Variants in PDIA5 observed in about 807,000 individuals in gnomAD.
PDIA5 encodes protein disulfide-isomerase A5.
Under a neutral mutation model 77.6 loss-of-function variants are expected in PDIA5, and 58 were observed. The ratio of observed to expected loss-of-function variants is 0.75; its 90% CI spans 0.61 to 0.93. The LOEUF is 0.93. PDIA5 is among the 40% of genes least tolerant of loss of function. PDIA5 has a pLI of 0.00. For missense variants in PDIA5, 630 were observed against 647.7 expected, an observed-to-expected ratio of 0.97 and a Z score of 0.30; for synonymous variants, 250 against 252.1, an observed-to-expected ratio of 0.99 and a Z score of 0.08.
At chr3:123,111,047 C>G in intron 7 of PDIA5, 43 bp downstream of exon 7, 1 of 1,416,778 alleles carries the variant, frequency 7.1e-7, no homozygotes, top group Non-Finnish European at 1.0e-6. Flanking sequence ...GTTGTTTAGT[C>G]TCTTTGTGGG....
intron 1 of PDIA5, among the ~76,000 whole-genome samples, chr3:123,079,604 G>A (rs1933944663): frequency 1.3e-5 from 2 of 152,136 alleles, no homozygotes; most frequent in African/African-American, 2.4e-5. Context: ...TTGTTTATAG[G>A]TTTTAACTCT....
chr3:123,111,367 C>T lies in PDIA5; in HGVS notation c.541+363C>T, dbSNP rs536006018. Among the ~76,000 whole-genome samples the T allele has an allele frequency of 1.3e-4, 20 of 152,310 alleles. No individual in the cohort carries two copies. The East Asian group carries it at 2.3e-3, about 18-fold the overall frequency. ...CTGTTCTGCCACCCCTCGGGCATGG[C>T]GTCATGGTCCAGAGCCTGGCCCGCC... On this transcript the variant is annotated intron_variant, in intron 7 of 16. Transcript: ENST00000316218.
chr3:123,151,859 TCCTTCCTTCCTGCCCG>T (rs1935911120), intron 14 of PDIA5, among the ~76,000 whole-genome samples: 1 of 120,912 alleles, frequency 8.3e-6, no homozygotes, highest in Admixed American at 8.1e-5. Flanking sequence ...CTTCCTGCCC[TCCTTCCTTCCTGCCCG>T]CCTTCCTGCC....
intron 15 of PDIA5, 49 bp from the exon 16 acceptor site, chr3:123,161,272 C>A: frequency 6.3e-7 from 1 of 1,592,798 alleles, no homozygotes; most frequent in East Asian, 2.2e-5. Context: ...GGGGTCCAGG[C>A]CTCAGCCTGG....
chr3:123,075,247 G>A lies in PDIA5; in HGVS notation c.42+8041G>A, dbSNP rs571243097. ...AGTTCAACTGCTGAGTGAGCAGGAC[G>A]TAAAGATGTGTTGCTTAGAAGAGAG... On this transcript the variant is annotated intron_variant, in intron 1 of 16. Transcript: ENST00000316218. 3.3e-5 allele frequency among the ~76,000 whole-genome samples: 5 copies of A among 152,328 alleles called. No individual in the cohort carries two copies. The East Asian group carries it at 9.6e-4, about 29-fold the overall frequency.
intron 7 of PDIA5, among the ~76,000 whole-genome samples, chr3:123,112,458 G>A (rs142646035): frequency 3.5e-3 from 534 of 150,892 alleles, no homozygotes; most frequent in African/African-American, 0.012. Flanking sequence ...ATGCCCCTCT[G>A]TGGCATTCTG....
intron 11 of PDIA5, among the ~76,000 whole-genome samples, chr3:123,134,445 T>C (rs900266240): frequency 2.0e-5 from 3 of 152,140 alleles, no homozygotes; most frequent in Non-Finnish European, 4.4e-5. Flanking sequence ...CTTGTGAGGC[T>C]GCCCTGCTGG....
rs780473654 is a variant in PDIA5 at position 123,161,354 on chromosome 3, A to C, written c.1378A>C (p.Lys460Gln). 5.0e-6 allele frequency: 8 copies of C among 1,614,204 alleles called. No homozygotes were observed. In the South Asian group the frequency reaches 8.8e-5, roughly 18 times the overall value. ...TGCCGCTGTTGACTGTGTCAAAGAC[A>C]AGAACCAAGACCTGTGCCAGCAGGA... Reference protein sequence around the residue: ...ACAAVDCVKDKNQDLCQQEAV... With the variant: ...ACAAVDCVKDQNQDLCQQEAV... Residue 460 changes from lysine to glutamine, a missense_variant, in exon 16 of 17, where the codon AAG becomes CAG. Transcript: ENST00000316218.
chr3:123,124,059 C>G lies in PDIA5; in HGVS notation c.610-7C>G, dbSNP rs1229153665. On this transcript the variant is annotated splice_region_variant and splice_polypyrimidine_tract_variant and intron_variant, in intron 8 of 16. Coordinates refer to ENST00000316218, the MANE Select transcript of PDIA5 (RefSeq NM_006810.4). ...GCTCCACACGGCTCTTCTCCGCTTC[C>G]TCCCAGGTGCTGGCCGGGATGAATG... 6.2e-7 allele frequency: 1 copy of G among 1,606,982 alleles called. No homozygotes were observed. Among genetic ancestry groups the G allele is most frequent in the Non-Finnish European group, 8.5e-7 (1 of 1,173,472 alleles).
intron 3 of PDIA5, among the ~76,000 whole-genome samples, chr3:123,096,668 C>T (rs11706198): frequency 0.015 from 2,357 of 152,276 alleles, 24 homozygotes; most frequent in South Asian, 0.03. Context: ...TAACTTGTTG[C>T]TCTGGGGTGT....
rs564971638 is a variant in PDIA5 at position 123,083,005 on chromosome 3, G to A, written c.43-6163G>A. Among the ~76,000 whole-genome samples the A allele has an allele frequency of 3.3e-5, 5 of 152,244 alleles. No individual in the cohort carries two copies. The East Asian group carries it at 7.7e-4, about 24-fold the overall frequency. Reference sequence around the variant, plus strand: ...AAGTGGGATGGTGGTTTGTCTGGCCGGCCCTGAATGAGCAGACACCTGTTA... The same window carrying A: ...AAGTGGGATGGTGGTTTGTCTGGCCAGCCCTGAATGAGCAGACACCTGTTA... On this transcript the variant is annotated intron_variant, in intron 1 of 16. Coordinates refer to ENST00000316218, the MANE Select transcript of PDIA5 (RefSeq NM_006810.4).
At chr3:123,135,535 C>T (rs548709696) in intron 11 of PDIA5, among the ~76,000 whole-genome samples, 1 of 152,338 alleles carries the variant, frequency 6.6e-6, no homozygotes, top group South Asian at 2.1e-4. Flanking sequence ...TGTATCTGCA[C>T]TGCCTTCCAG....
intron 8 of PDIA5, among the ~76,000 whole-genome samples, chr3:123,123,036 A>T (rs1456794179): frequency 6.6e-6 from 1 of 152,138 alleles, no homozygotes; most frequent in African/African-American, 2.4e-5. Flanking sequence ...GTGCTTTGGG[A>T]GGTTGAAGTG....
intron 3 of PDIA5, 124 bp downstream of exon 3, chr3:123,092,566 C>A: frequency 1.3e-6 from 1 of 757,296 alleles, no homozygotes; most frequent in Non-Finnish European, 2.3e-6. Context: ...TGGAAAGATT[C>A]CATCTAGTGA....
intron 7 of PDIA5, 122 bp from the exon 8 acceptor site, chr3:123,116,109 T>C (rs1934991867): frequency 1.2e-6 from 1 of 809,110 alleles, no homozygotes; most frequent in Non-Finnish European, 2.1e-6. Context: ...GGAATAGTCC[T>C]GAGCTTCTCA....
At chr3:123,100,830 G>C (rs1313523302) in intron 3 of PDIA5, among the ~76,000 whole-genome samples, 1 of 152,234 alleles carries the variant, frequency 6.6e-6, no homozygotes, top group African/African-American at 2.4e-5. Context: ...GTGCACAGCT[G>C]TGTGAAGCTG....
In PDIA5 at chr3:123,124,126, G is replaced by A. The variant is rs368603465; in HGVS notation, c.670G>A (p.Val224Met). ...TGAAAACATCAAGGAGGAGTACAGC[G>A]TGCGCGGCTTCCCCACCATCTGCTA... ...EFENIKEEYS[V>M]RGFPTICYFE... Residue 224 changes from valine to methionine, a missense_variant, in exon 9 of 17, where the codon GTG becomes ATG. Transcript: ENST00000316218. 33 of 1,613,912 alleles carry A rather than the reference G, an allele frequency of 2.0e-5. No individual in the cohort carries two copies. The highest frequency in any genetic ancestry group is 1.7e-4 in the African/African-American group (13 of 74,906).
chr3:123,095,392 G>C (rs1257781457), intron 3 of PDIA5, among the ~76,000 whole-genome samples: 3 of 152,160 alleles, frequency 2.0e-5, no homozygotes, highest in Non-Finnish European at 4.4e-5. Flanking sequence ...GGATGAACCT[G>C]AAGAAGGTTT....
intron 1 of PDIA5, 50 bp from the exon 2 acceptor site, chr3:123,089,118 G>C (rs748699054): frequency 1.5e-5 from 23 of 1,585,484 alleles, no homozygotes; most frequent in Non-Finnish European, 1.9e-5. Flanking sequence ...GATTCTTCTG[G>C]GGCCCAGCCA....
Sources: gnomAD v4.1 joint callset for allele counts (sites outside exome capture counted in the v4.1 genomes callset) on GRCh38, gnomAD v4.1.1 for gene constraint, MANE v1.5 for transcripts, NCBI Gene and HGNC (gene_info 2026-07-23, HGNC 2026-07-21) for gene names.